TACR1: variants seen among roughly 807,000 people sequenced by gnomAD.
TACR1 encodes substance-P receptor.
Under a neutral mutation model 35.8 loss-of-function variants are expected in TACR1, and 25 were observed. The ratio of observed to expected loss-of-function variants is 0.70; its 90% CI spans 0.51 to 0.98. TACR1 has a LOEUF of 0.98. Among genes scored for constraint, TACR1 ranks in the 50% least tolerant of loss-of-function variants. The pLI is 0.00. For missense variants in TACR1, 478 were observed against 522.9 expected (o/e 0.91, Z 0.84); for synonymous variants, 195 against 206.7 (o/e 0.94, Z 0.48).
chr2:75,091,729 A>C lies in TACR1; in HGVS notation c.584+28845T>G, dbSNP rs574105269. On this transcript the variant is annotated intron_variant, in intron 2 of 4. Coordinates refer to ENST00000305249, the MANE Select transcript of TACR1 (RefSeq NM_001058.4). ...ACAAATGACCTGACGTGAACTCTAG[A>C]AGTGGGTTCCAAAACTTAAGAAGAG... 2.0e-5 allele frequency among the ~76,000 whole-genome samples: 3 copies of C among 152,264 alleles called. No individual in the cohort carries two copies. The East Asian group carries it at 5.8e-4, about 29-fold the overall frequency.
intron 1 of TACR1, among the ~76,000 whole-genome samples, chr2:75,169,483 C>T (rs922508339): frequency 6.6e-5 from 10 of 152,158 alleles, no homozygotes; most frequent in Admixed American, 6.5e-4. Flanking sequence ...GGATTTTGCT[C>T]AATTACTGTC....
intron 1 of TACR1, among the ~76,000 whole-genome samples, chr2:75,191,383 G>A (rs1675842409): frequency 6.6e-6 from 1 of 152,094 alleles, no homozygotes; most frequent in East Asian, 1.9e-4. Flanking sequence ...AAATCCAGGG[G>A]GTTGACAGCA....
chr2:75,116,674 C>T (rs375113927), intron 2 of TACR1, among the ~76,000 whole-genome samples: 17 of 152,188 alleles, frequency 1.1e-4, no homozygotes, highest in African/African-American at 4.1e-4. Flanking sequence ...TTTGGGAGGG[C>T]AAGGCCGGCG....
At chr2:75,067,213 G>T (rs1269580719) in intron 2 of TACR1, among the ~76,000 whole-genome samples, 1 of 152,126 alleles carries the variant, frequency 6.6e-6, no homozygotes, top group Non-Finnish European at 1.5e-5. Context: ...TATCACTTTT[G>T]CTAATTAAGC....
At chr2:75,163,933 A>G (rs1212767514) in intron 1 of TACR1, among the ~76,000 whole-genome samples, 1 of 152,176 alleles carries the variant, frequency 6.6e-6, no homozygotes, top group Non-Finnish European at 1.5e-5. Context: ...GGAGTATTTC[A>G]TGAAGTGATA....
At chr2:75,156,405 G>A (rs552515317) in intron 1 of TACR1, 2 of 149,732 alleles carry the variant, frequency 1.3e-5, no homozygotes, top group South Asian at 2.1e-4. Context: ...CACAAGGTCA[G>A]GAGACCGAGA....
In TACR1 at chr2:75,049,184, CTTTTA is replaced by C. The variant is rs1418634669; in HGVS notation, c.*243_*247del. The stretch of plus-strand genomic sequence containing the variant: ...GGCTTTTGGGAAAAGCTGGTCCGAC[CTTTTA>C]TTTTACAGGCTCAGCAAAGTTCAGT... On this transcript the variant is annotated 3_prime_UTR_variant, in exon 5 of 5. Transcript: ENST00000305249. 4.1e-6 allele frequency: 2 copies of C among 492,464 alleles called. No homozygotes were observed. The highest frequency in any genetic ancestry group is 7.3e-5 in the Admixed American group (2 of 27,446). The allele number at this position is 492,464 out of a possible 1,614,324, so 30.5% of individuals were successfully genotyped here.
intron 1 of TACR1, among the ~76,000 whole-genome samples, chr2:75,150,204 G>A (rs530083471): frequency 6.6e-6 from 1 of 152,332 alleles, no homozygotes; most frequent in South Asian, 2.1e-4. Flanking sequence ...GCTTAAAAAG[G>A]TGAATGACAT....
At chr2:75,094,674 G>A (rs1673377568) in intron 2 of TACR1, among the ~76,000 whole-genome samples, 1 of 151,622 alleles carries the variant, frequency 6.6e-6, no homozygotes, top group South Asian at 2.1e-4. Flanking sequence ...AGAGGTGGAG[G>A]TGGTGGAGGT....
At chr2:75,156,414 G>A (rs1175409394) in intron 1 of TACR1, 3 of 138,798 alleles carry the variant, frequency 2.2e-5, no homozygotes, top group Non-Finnish European at 4.5e-5. Flanking sequence ...AGGAGACCGA[G>A]ACCATCCTTA....
At chr2:75,115,302 C>T (rs1032761213) in intron 2 of TACR1, among the ~76,000 whole-genome samples, 1 of 152,050 alleles carries the variant, frequency 6.6e-6, no homozygotes, top group South Asian at 2.1e-4. Flanking sequence ...ATTATTTTCC[C>T]CCATCAGATG....
chr2:75,110,579 T>C (rs981152325), intron 2 of TACR1, among the ~76,000 whole-genome samples: 3 of 151,958 alleles, frequency 2.0e-5, no homozygotes, highest in Admixed American at 2.0e-4. Flanking sequence ...ACTGCACATA[T>C]TACTTTGAAG....
chr2:75,132,220 T>G (rs910725328), intron 1 of TACR1, among the ~76,000 whole-genome samples: 31 of 152,302 alleles, frequency 2.0e-4, no homozygotes, highest in African/African-American at 7.5e-4. Flanking sequence ...TTATAGTGAT[T>G]AAATTTGGCA....
chr2:75,076,093 A>G (rs1672971012), intron 2 of TACR1, among the ~76,000 whole-genome samples: 1 of 152,104 alleles, frequency 6.6e-6, no homozygotes. Flanking sequence ...GTCCTTTCTT[A>G]TTTTCTACTG....
chr2:75,116,817 G>A (rs1260121400), intron 2 of TACR1, among the ~76,000 whole-genome samples: 2 of 152,110 alleles, frequency 1.3e-5, no homozygotes, highest in Non-Finnish European at 2.9e-5. Context: ...AGCTGAGGCA[G>A]GATAATCACT....
chr2:75,068,482 G>A (rs746657439), intron 2 of TACR1, among the ~76,000 whole-genome samples: 18 of 152,102 alleles, frequency 1.2e-4, no homozygotes, highest in Non-Finnish European at 2.4e-4. Context: ...GGAAAGAGCT[G>A]GGAAAACCCA....
chr2:75,127,710 G>A (rs1001815922), intron 1 of TACR1, among the ~76,000 whole-genome samples: 1 of 152,150 alleles, frequency 6.6e-6, no homozygotes, highest in Non-Finnish European at 1.5e-5. Flanking sequence ...TAGAGTCCTT[G>A]GGCTATTAGG....
intron 1 of TACR1, among the ~76,000 whole-genome samples, chr2:75,133,455 A>G (rs1184627199): frequency 6.6e-6 from 1 of 152,196 alleles, no homozygotes; most frequent in Admixed American, 6.5e-5. Context: ...AGCACACTCC[A>G]TTCTATGTAC....
chr2:75,144,982 G>T (rs942099633), intron 1 of TACR1, among the ~76,000 whole-genome samples: 4 of 151,930 alleles, frequency 2.6e-5, no homozygotes, highest in Non-Finnish European at 2.9e-5. Flanking sequence ...GAGTATAGTA[G>T]GAATTTTAGA....
Sources: allele counts gnomAD v4.1 joint callset (sites outside exome capture counted in the v4.1 genomes callset), GRCh38; gene constraint gnomAD v4.1.1; transcripts MANE v1.5; gene names NCBI Gene and HGNC (gene_info 2026-07-23, HGNC 2026-07-21).